KRT1: variants seen among roughly 807,000 people sequenced by gnomAD.
KRT1 encodes keratin, type II cytoskeletal 1.
Under a neutral mutation model 51.6 loss-of-function variants are expected in KRT1, and 28 were observed. That is an observed-to-expected ratio of 0.54 (90% confidence interval 0.40 to 0.74). KRT1 has a LOEUF of 0.74. Among genes scored for constraint, KRT1 ranks in the 30% least tolerant of loss-of-function variants. The pLI is 0.00. For synonymous variants in KRT1, 301 were observed against 307.7 expected (o/e 0.98, Z 0.23); for missense variants, 783 against 815.5 (o/e 0.96, Z 0.49).
At position 52,680,051 on chromosome 12, in the gene KRT1, C is replaced by T; in HGVS notation, c.298G>A (p.Gly100Ser). Residue 100 changes from glycine (G) to serine (S), a missense_variant, in exon 1 of 9, where the codon GGT (glycine) becomes AGT (serine). Gly to Ser is a moderately conservative substitution (Grantham distance 56). Coordinates refer to ENST00000252244, the MANE Select transcript of KRT1 (RefSeq NM_006121.4). ...CCACCACCACCAAAGCCACCACCAC[C>T]AAAGCCACCACCACCATAACCACCA... ...FGGGYGGGGF[G>S]GGGFGGGGFG... 6.4e-7 allele frequency: 1 copy of T among 1,555,752 alleles called. No homozygotes were observed. Among genetic ancestry groups the T allele is most frequent in the Non-Finnish European group, 8.7e-7 (1 of 1,149,356 alleles).
rs747549964 is a variant in KRT1, at chr12:52,675,451, GTAGCTGCTACCTCCGGAGCCA to G, written c.1656_1676del (p.Ser557_Gly563del). The G allele has an allele frequency of 1.7e-4, 82 of 473,712 alleles. No individual in the cohort carries two copies. The highest frequency in any genetic ancestry group is 1.8e-4 in the South Asian group (5 of 27,100). The allele number at this position is 473,712 out of a possible 1,614,324, so 29.3% of individuals were successfully genotyped here. ...AGCCATAGCTGCCACCTCCGGAGCC[GTAGCTGCTACCTCCGGAGCCA>G]TAGCTGCCACGGCCGCCGCCGCCGC... On this transcript the variant is annotated inframe_deletion, in exon 9 of 9. Transcript: ENST00000252244.
In KRT1 at chr12:52,680,358, G is replaced by C. The variant is rs1941568334; in HGVS notation, c.-10C>G. ...TAAACTGTCGACTCATGTTGACTTA[G>C]AGAAAAGTAGGAGCAAGGTAGAGTA... On this transcript the variant is annotated 5_prime_UTR_variant, in exon 1 of 9. Transcript: ENST00000252244. The C allele has an allele frequency of 1.2e-6, 2 of 1,612,230 alleles. No homozygotes were observed.
Position 52,677,537 on chromosome 12 carries a change from A to T in KRT1, c.964-57T>A. 10 of 1,610,710 alleles carry T rather than the reference A, an allele frequency of 6.2e-6. No individual in the cohort carries two copies. The South Asian group carries it at 9.9e-5, about 16-fold the overall frequency. The stretch of plus-strand genomic sequence containing the variant: ...AGCACTAAAACAAAAAACAACTTAG[A>T]CAGAGAAAGCAGTCAGAAAATAAAA... On this transcript the variant is annotated intron_variant, in intron 4 of 8. Transcript: ENST00000252244.
At position 52,677,732 on chromosome 12, in the gene KRT1, G is replaced by A. The variant is rs377333980; in HGVS notation, c.881C>T (p.Ala294Val). 1.2e-6 allele frequency: 2 copies of A among 1,613,930 alleles called. No homozygotes were observed. The highest frequency in any genetic ancestry group is 2.2e-5 in the East Asian group (1 of 44,884). The change falls in exon 4 of 9, where the codon GCT (alanine) becomes GTT (valine). Residue 294 changes from alanine (A) to valine (V), a missense_variant. By Grantham distance (64) the Ala-to-Val change is moderately conservative. Transcript: ENST00000252244. ...CTGAAGGTCCACCTTGGTCATATAAGCACCATCCACATCCTAGAGGAACAA... is the reference window on the plus strand; with the variant it reads ...CTGAAGGTCCACCTTGGTCATATAAACACCATCCACATCCTAGAGGAACAA... ...FVTIKKDVDG[A>V]YMTKVDLQAK...
intron 2 of KRT1, 119 bp from the exon 3 acceptor site, chr12:52,678,342 GGCCACTACTTTCT>G (rs1254047785): frequency 2.8e-6 from 3 of 1,089,086 alleles, no homozygotes; most frequent in Non-Finnish European, 4.2e-6. Flanking sequence ...AGGACATATT[GGCCACTACTTTCT>G]ACTGAGCAAT....
chr12:52,675,624 G>A lies in KRT1; in HGVS notation c.1511-7C>T. On this transcript the variant is annotated splice_polypyrimidine_tract_variant and splice_region_variant and intron_variant, in intron 8 of 8. Coordinates refer to ENST00000252244, the MANE Select transcript of KRT1 (RefSeq NM_006121.4). ...GTGTGGCTTGTGCTCACAGCTGCAAGAGGAAGCTCAGTTATTTTCAACCTC... is the reference window on the plus strand; with the variant it reads ...GTGTGGCTTGTGCTCACAGCTGCAAAAGGAAGCTCAGTTATTTTCAACCTC... 1 of 1,614,212 alleles carries A rather than the reference G, an allele frequency of 6.2e-7. No individual in the cohort carries two copies. Among genetic ancestry groups the A allele is most frequent in the African/African-American group, 1.3e-5 (1 of 75,048 alleles).
chr12:52,678,747 G>A lies in KRT1; in HGVS notation c.601C>T (p.Leu201=). 1 of 1,613,840 alleles carries A rather than the reference G, an allele frequency of 6.2e-7. No homozygotes were observed. The highest frequency in any genetic ancestry group is 8.5e-7 in the Non-Finnish European group (1 of 1,179,984). Residue 201 remains leucine (L), a synonymous_variant, in exon 2 of 9, where the codon CTG becomes TTG. Transcript: ENST00000252244. ...FASFIDKVRF[L]EQQNQVLQTK... ...TGCAGTACCTGGTTCTGCTGCTCCA[G>A]GAACCTCACCTAAAAACACAAGACC...
Position 52,675,438 on chromosome 12 carries a change from C to G in KRT1, c.1690G>C (p.Gly564Arg). Residue 564 changes from glycine to arginine, a missense_variant, in exon 9 of 9, where the codon GGC becomes CGC. By Grantham distance (125) the Gly-to-Arg change is moderately radical. Transcript: ENST00000252244. ...SGGSSYGSGG[G>R]SYGSGGGGGG... ...CCGCCACCTCCAGAGCCATAGCTGC[C>G]ACCTCCGGAGCCGTAGCTGCTACCT... 6.3e-7 allele frequency: 1 copy of G among 1,581,424 alleles called. No individual in the cohort carries two copies. The highest frequency in any genetic ancestry group is 1.8e-5 in the Admixed American group (1 of 54,596).
rs778141439 is a variant in KRT1, at chr12:52,675,225, C to T, written c.1903G>A (p.Val635Ile). Reference sequence around the variant, plus strand: ...GTTACTCCGGAATAAGTGGTAGAAACAAACTTCACGCTGGAACTGCCACCA... The same window carrying T: ...GTTACTCCGGAATAAGTGGTAGAAATAAACTTCACGCTGGAACTGCCACCA... ...SSGGSSSVKF[V>I]STTYSGVTR Residue 635 changes from valine (V) to isoleucine (I), a missense_variant, in exon 9 of 9, where the codon GTT becomes ATT. By Grantham distance (29) the Val-to-Ile change is conservative. Coordinates refer to ENST00000252244, the MANE Select transcript of KRT1 (RefSeq NM_006121.4). The T allele has an allele frequency of 6.2e-7, 1 of 1,613,912 alleles. No individual in the cohort carries two copies. Among genetic ancestry groups the T allele is most frequent in the East Asian group, 2.2e-5 (1 of 44,878 alleles).
At position 52,677,187 on chromosome 12, in the gene KRT1, A is replaced by G. The variant is rs1241642626; in HGVS notation, c.1129-3T>C. The G allele has an allele frequency of 6.2e-6, 10 of 1,614,084 alleles. No homozygotes were observed. The highest frequency in any genetic ancestry group is 1.6e-4 in the Middle Eastern group (1 of 6,084). On this transcript the variant is annotated splice_region_variant and splice_polypyrimidine_tract_variant and intron_variant, in intron 5 of 8. Transcript: ENST00000252244. ...GCAGTGATCTGCAGCTCTTCATACT[A>G]AAGATGGTAGATAGCGTTTGTTAAA...
At chr12:52,677,562 A>G in intron 4 of KRT1, 82 bp from the exon 5 acceptor site, 1 of 1,605,566 alleles carries the variant, frequency 6.2e-7, no homozygotes, top group Middle Eastern at 1.7e-4. Flanking sequence ...AGAAAATAAA[A>G]GATAAATATC....
Position 52,678,210 on chromosome 12 carries a change from T to C in KRT1, c.820A>G (p.Ile274Val), listed in dbSNP as rs1268140122. ...TTCTCTGCATTTGTCCGCTTGTTGA[T>C]TTCATCCTCATACCTGCAGGAAAGC... ...EDYRNKYEDEINKRTNAENEF... is the reference protein window; with the variant it reads ...EDYRNKYEDEVNKRTNAENEF... The change falls in exon 3 of 9, where the codon ATC (isoleucine) becomes GTC (valine). Residue 274 changes from isoleucine to valine, a missense_variant. Coordinates refer to ENST00000252244, the MANE Select transcript of KRT1 (RefSeq NM_006121.4). 6.2e-7 allele frequency: 1 copy of C among 1,614,046 alleles called. No individual in the cohort carries two copies. Among genetic ancestry groups the C allele is most frequent in the Non-Finnish European group, 8.5e-7 (1 of 1,180,042 alleles).
chr12:52,677,202 C>A lies in KRT1; in HGVS notation c.1129-18G>T. ...TCTTCATACTAAAGATGGTAGATAGCGTTTGTTAAATGTAGGCAGAACTCA... is the reference window on the plus strand; with the variant it reads ...TCTTCATACTAAAGATGGTAGATAGAGTTTGTTAAATGTAGGCAGAACTCA... On this transcript the variant is annotated intron_variant, in intron 5 of 8. Coordinates refer to ENST00000252244, the MANE Select transcript of KRT1 (RefSeq NM_006121.4). 2 of 1,614,166 alleles carry A rather than the reference C, an allele frequency of 1.2e-6. No homozygotes were observed. The highest frequency in any genetic ancestry group is 1.7e-6 in the Non-Finnish European group (2 of 1,180,044).
rs1941505484 is a variant in KRT1, at chr12:52,676,448, C to T, written c.1302G>A (p.Glu434=). The T allele has an allele frequency of 6.2e-7, 1 of 1,614,078 alleles. No individual in the cohort carries two copies. Among genetic ancestry groups the T allele is most frequent in the Non-Finnish European group, 8.5e-7 (1 of 1,180,044 alleles). The part of the protein sequence containing the change: ...QSISDAEQRG[E]NALKDAKNKL... ...TGTTCTTGGCATCCTTGAGGGCATT[C>T]TCGCCACGCTGCTCTGCATCACTGA... is the stretch of plus-strand genomic sequence containing the variant. The change falls in exon 7 of 9, where the codon GAG becomes GAA. Residue 434 remains glutamate (E), a synonymous_variant. Coordinates refer to ENST00000252244, the MANE Select transcript of KRT1 (RefSeq NM_006121.4).
At chr12:52,676,566 C>G in intron 6 of KRT1, 71 bp from the exon 7 acceptor site, 11 of 1,481,290 alleles carry the variant, frequency 7.4e-6, no homozygotes, top group Non-Finnish European at 1.0e-5. Flanking sequence ...ATTGGTCTCC[C>G]CACTCCAGTG....
rs770868243 is a variant in KRT1 at position 52,680,243 on chromosome 12, T to C, written c.106A>G (p.Thr36Ala). ...NYQRRTTSSS[T>A]RRSGGGGGRF... ...CCACCACCTCCTCCACTGCGGCGTG[T>C]GGAGCTGCTGGTGGTCCTGCGCTGG... The change falls in exon 1 of 9, where the codon ACA becomes GCA. Residue 36 changes from threonine to alanine, a missense_variant. Physicochemically the swap from Thr to Ala is moderately conservative, Grantham distance 58 (BLOSUM62 0). Transcript: ENST00000252244. 1.9e-6 allele frequency: 3 copies of C among 1,614,166 alleles called. No individual in the cohort carries two copies. The highest frequency in any genetic ancestry group is 1.7e-6 in the Non-Finnish European group (2 of 1,180,014).
rs1170571162 is a variant in KRT1 at position 52,676,265 on chromosome 12, C to T, written c.1475+10G>A. 4 of 1,610,306 alleles carry T rather than the reference C, an allele frequency of 2.5e-6. No homozygotes were observed. Among genetic ancestry groups the T allele is most frequent in the Non-Finnish European group, 3.4e-6 (4 of 1,176,666 alleles). On this transcript the variant is annotated intron_variant, in intron 7 of 8. Coordinates refer to ENST00000252244, the MANE Select transcript of KRT1 (RefSeq NM_006121.4). Reference sequence around the variant, plus strand: ...GAGAAGAGGTTCGACTCCCAGCGTCCCTTCCTCACCTGCTTTCTTCTCCCT... The same window carrying T: ...GAGAAGAGGTTCGACTCCCAGCGTCTCTTCCTCACCTGCTTTCTTCTCCCT...
intron 1 of KRT1, among the ~76,000 whole-genome samples, 163 bp from the exon 2 acceptor site, chr12:52,678,919 A>C (rs1941547422): frequency 6.6e-6 from 1 of 152,192 alleles, no homozygotes; most frequent in Non-Finnish European, 1.5e-5. Flanking sequence ...ATAAAACCCA[A>C]CTTGTTAATT....
chr12:52,678,563 A>G lies in KRT1; in HGVS notation c.785T>C (p.Met262Thr), dbSNP rs1408296336. The stretch of plus-strand genomic sequence containing the variant: ...TTACTTGTTCCGGTAATCCTCCACC[A>G]TGTCCTGCATGTTCTTCAGTTCCGA... The part of the protein sequence containing the change: ...LDSELKNMQD[M>T]VEDYRNKYED... The change falls in exon 2 of 9, where the codon ATG becomes ACG. Residue 262 changes from methionine to threonine, a missense_variant. Coordinates refer to ENST00000252244, the MANE Select transcript of KRT1 (RefSeq NM_006121.4). The G allele has an allele frequency of 3.1e-6, 5 of 1,614,082 alleles. No individual in the cohort carries two copies. The highest frequency in any genetic ancestry group is 1.1e-5 in the South Asian group (1 of 91,090).
Sources: gnomAD v4.1 joint callset for allele counts (sites outside exome capture counted in the v4.1 genomes callset) on GRCh38, gnomAD v4.1.1 for gene constraint, MANE v1.5 for transcripts, NCBI Gene and HGNC (gene_info 2026-07-23, HGNC 2026-07-21) for gene names.